The following SPSB1 variants were observed in gnomAD, a reference collection of about 807,000 sequenced individuals.
SPSB1 encodes the protein splA/ryanodine receptor domain and SOCS box containing 1.
Under a neutral mutation model 21.2 loss-of-function variants are expected in SPSB1, and 8 were observed. The ratio of observed to expected loss-of-function variants is 0.38; its 90% CI spans 0.22 to 0.68. The LOEUF is 0.68. Ranked by LOEUF, SPSB1 falls within the 30% of genes least tolerant of loss-of-function variation. The pLI, the probability that SPSB1 is intolerant of heterozygous loss-of-function variation, is 0.53. For synonymous variants in SPSB1, 169 were observed against 161.7 expected, an observed-to-expected ratio of 1.05 and a Z score of -0.34; for missense variants, 242 against 377.8, an observed-to-expected ratio of 0.64 and a Z score of 2.98.
At position 9,317,285 on chromosome 1, in the gene SPSB1, G is replaced by A. The variant is rs1441103312; in HGVS notation, c.-150+24214G>A. 6.6e-6 allele frequency among the ~76,000 whole-genome samples: 1 copy of A among 152,096 alleles called. No homozygotes were observed. The highest frequency in any genetic ancestry group is 1.5e-5 in the Non-Finnish European group (1 of 68,024). ...GAGAGGGAGGAGGAAGGGAAGAAGG[G>A]AATAAATGTCACTGGCGGAAGGTGG... On this transcript the variant is annotated intron_variant, in intron 1 of 2. Transcript: ENST00000328089. This position sits in a 1 kb window ranked among gnomAD's most constrained non-coding sequence, Gnocchi z 4.3.
In SPSB1 at chr1:9,321,405, A is replaced by G. The variant is rs1410742412; in HGVS notation, c.-150+28334A>G. Among the ~76,000 whole-genome samples, 1 of 152,090 alleles carries G rather than the reference A, an allele frequency of 6.6e-6. No homozygotes were observed. Among genetic ancestry groups the G allele is most frequent in the Non-Finnish European group, 1.5e-5 (1 of 68,012 alleles). ...AGGGCCCATTCTTGGGAGAGAGCGG[A>G]TCCTGTGTGATTTTACGGAACTTGT... is the stretch of plus-strand genomic sequence containing the variant. On this transcript the variant is annotated intron_variant, in intron 1 of 2. Coordinates refer to ENST00000328089, the MANE Select transcript of SPSB1 (RefSeq NM_025106.4). The surrounding 1 kb of genome is among the most constrained non-coding windows in gnomAD (Gnocchi z 4.8).
At chr1:9,316,780 C>G (rs10864407) in intron 1 of SPSB1, among the ~76,000 whole-genome samples, 1 of 152,112 alleles carries the variant, frequency 6.6e-6, no homozygotes, top group Admixed American at 6.5e-5. Context: ...GTCTGGGGGC[C>G]GCAGCAGCTT....
At chr1:9,362,156 A>G (rs1300874095) in intron 2 of SPSB1, among the ~76,000 whole-genome samples, 1 of 151,954 alleles carries the variant, frequency 6.6e-6, no homozygotes, top group Non-Finnish European at 1.5e-5. Flanking sequence ...CGGGAGACTG[A>G]TACACCGCCA....
At chr1:9,342,450 C>T (rs546541493) in intron 1 of SPSB1, among the ~76,000 whole-genome samples, 1 of 152,316 alleles carries the variant, frequency 6.6e-6, no homozygotes, top group Admixed American at 6.5e-5. Context: ...ACGGAGGATC[C>T]CAGTGGCTTG....
intron 1 of SPSB1, among the ~76,000 whole-genome samples, chr1:9,326,125 C>T (rs182802326): frequency 2.0e-5 from 3 of 152,002 alleles, no homozygotes; most frequent in Non-Finnish European, 2.9e-5. Context: ...GTGGGGAGGT[C>T]GGGTGGAATG....
chr1:9,349,485 G>C (rs1640216248), intron 1 of SPSB1, among the ~76,000 whole-genome samples: 1 of 152,268 alleles, frequency 6.6e-6, no homozygotes, highest in Non-Finnish European at 1.5e-5. Flanking sequence ...TGGAGCGTGA[G>C]AGGCTGAGGC....
Position 9,293,535 on chromosome 1 carries a change from C to T in SPSB1, c.-150+464C>T, listed in dbSNP as rs1035223402. Among the ~76,000 whole-genome samples the T allele has an allele frequency of 2.6e-5, 4 of 151,926 alleles. No individual in the cohort carries two copies. Among genetic ancestry groups the T allele is most frequent in the South Asian group, 2.1e-4 (1 of 4,836 alleles). On this transcript the variant is annotated intron_variant, in intron 1 of 2. Coordinates refer to ENST00000328089, the MANE Select transcript of SPSB1 (RefSeq NM_025106.4). This position sits in a 1 kb window ranked among gnomAD's most constrained non-coding sequence, Gnocchi z 5.1. ...CCGAGTCGGGATTGGCGGCGCGGCC[C>T]GGTCCCCCGTCGGGGCGCCCCCACC...
Position 9,356,444 on chromosome 1 carries a change from G to A in SPSB1, c.553G>A (p.Asp185Asn), listed in dbSNP as rs763139286. Residue 185 changes from aspartate to asparagine, a missense_variant, in exon 2 of 3, where the codon GAC becomes AAC. Coordinates refer to ENST00000328089, the MANE Select transcript of SPSB1 (RefSeq NM_025106.4). The surrounding 1 kb of genome is among the most constrained non-coding windows in gnomAD (Gnocchi z 7.4). The stretch of plus-strand genomic sequence containing the variant: ...CTTCCTGGTAGCCCTGGACATGGAC[G>A]ACGGGACTCTGAGCTTCATTGTGGA... ...DSFLVALDMD[D>N]GTLSFIVDGQ... 35 of 1,613,982 alleles carry A rather than the reference G, an allele frequency of 2.2e-5. No homozygotes were observed. The highest frequency in any genetic ancestry group is 2.7e-5 in the African/African-American group (2 of 74,930).
At chr1:9,329,512 A>T (rs1569607154) in intron 1 of SPSB1, among the ~76,000 whole-genome samples, 1 of 152,036 alleles carries the variant, frequency 6.6e-6, no homozygotes, top group Admixed American at 6.6e-5. Flanking sequence ...AGCCTGGCCA[A>T]CACAATGAAA....
intron 1 of SPSB1, among the ~76,000 whole-genome samples, chr1:9,337,528 G>A (rs573501451): frequency 6.6e-6 from 1 of 152,294 alleles, no homozygotes; most frequent in South Asian, 2.1e-4. Flanking sequence ...CTGGGGGTAG[G>A]GGAGGGGTGC....
intron 2 of SPSB1, among the ~76,000 whole-genome samples, chr1:9,361,282 C>T (rs912936906): frequency 6.7e-6 from 1 of 149,348 alleles, no homozygotes; most frequent in Non-Finnish European, 1.5e-5. Context: ...GGATTACAGG[C>T]GTGAGCCACC....
chr1:9,306,762 G>T (rs1363071956), intron 1 of SPSB1, among the ~76,000 whole-genome samples: 1 of 152,162 alleles, frequency 6.6e-6, no homozygotes, highest in African/African-American at 2.4e-5. Context: ...TAAATAGGCT[G>T]CAGGGGGCTG....
intron 1 of SPSB1, among the ~76,000 whole-genome samples, chr1:9,333,328 CTTTTTTTT>C (rs33924371): frequency 7.9e-6 from 1 of 126,518 alleles, no homozygotes; most frequent in Non-Finnish European, 1.6e-5. Flanking sequence ...TTGTCAGCTT[CTTTTTTTT>C]TTTTTTTTTT....
Position 9,306,989 on chromosome 1 carries a change from ACAGTCT to A in SPSB1, c.-150+13922_-150+13927del, listed in dbSNP as rs1639424736. Among the ~76,000 whole-genome samples the A allele has an allele frequency of 7.4e-5, 11 of 148,806 alleles. No homozygotes were observed. The South Asian group carries it at 2.3e-3, about 31-fold the overall frequency. On this transcript the variant is annotated intron_variant, in intron 1 of 2. Coordinates refer to ENST00000328089, the MANE Select transcript of SPSB1 (RefSeq NM_025106.4). ...GTCATTCAGGCTAGGGTGCAGCGGC[ACAGTCT>A]CAGCTCACTGCAGCCTCCGCCTCCC... is the stretch of plus-strand genomic sequence containing the variant.
chr1:9,355,057 C>G (rs897822096), intron 1 of SPSB1, among the ~76,000 whole-genome samples: 1 of 152,170 alleles, frequency 6.6e-6, no homozygotes, highest in Non-Finnish European at 1.5e-5. Context: ...TAAGAAATCC[C>G]GGGGGTCGGG....
intron 1 of SPSB1, among the ~76,000 whole-genome samples, chr1:9,313,739 G>T (rs1422302277): frequency 1.3e-5 from 2 of 152,250 alleles, no homozygotes; most frequent in African/African-American, 4.8e-5. Context: ...AGGGGCCAAG[G>T]CCTGGCCAGT....
intron 1 of SPSB1, among the ~76,000 whole-genome samples, chr1:9,323,525 G>T (rs1639759772): frequency 6.6e-6 from 1 of 152,222 alleles, no homozygotes; most frequent in Admixed American, 6.5e-5. Context: ...CCTCATGGGG[G>T]TCTGGAGCCC....
chr1:9,310,289 G>A (rs1639495843), intron 1 of SPSB1, among the ~76,000 whole-genome samples: 1 of 152,216 alleles, frequency 6.6e-6, no homozygotes, highest in South Asian at 2.1e-4. Flanking sequence ...GCAAACTCAA[G>A]ATTCACAGGA....
intron 1 of SPSB1, among the ~76,000 whole-genome samples, chr1:9,311,764 C>T (rs1280764949): frequency 6.6e-6 from 1 of 151,864 alleles, no homozygotes; most frequent in Non-Finnish European, 1.5e-5. Context: ...TTATCTACCA[C>T]GTTTTGTGTG....
Sources: allele counts gnomAD v4.1 joint callset (sites outside exome capture counted in the v4.1 genomes callset), GRCh38; gene constraint gnomAD v4.1.1; non-coding constraint Gnocchi (gnomAD v3.1); transcripts MANE v1.5; gene names NCBI Gene and HGNC (gene_info 2026-07-23, HGNC 2026-07-21).